The following KDM4C variants were observed in gnomAD, a reference collection of about 807,000 sequenced individuals.
KDM4C encodes the protein lysine-specific demethylase 4C.
Under a neutral mutation model 129.3 loss-of-function variants are expected in KDM4C, and 81 were observed. That is an observed-to-expected ratio of 0.63 (90% CI 0.52 to 0.75). KDM4C has a LOEUF of 0.75. Ranked by LOEUF, KDM4C falls within the 30% of genes least tolerant of loss-of-function variation. KDM4C has a pLI of 0.00. For synonymous variants in KDM4C, 573 were observed against 456.1 expected, an observed-to-expected ratio of 1.26 and a Z score of -3.26; for missense variants, 1,457 against 1,304.0, an observed-to-expected ratio of 1.12 and a Z score of -1.81.
rs1178458762 is a variant in KDM4C at position 6,888,999 on chromosome 9, G to A, written c.783+936G>A. On this transcript the variant is annotated intron_variant, in intron 7 of 21. Coordinates refer to ENST00000381309, the MANE Select transcript of KDM4C (RefSeq NM_015061.6). ...GAGACGGGGTTTCACCGTTTTAGCC[G>A]GGATGGCCTCGATCTCCCGACCTCG... 4.0e-4 allele frequency among the ~76,000 whole-genome samples: 14 copies of A among 35,440 alleles called. 3 individuals are homozygous for A. The highest frequency in any genetic ancestry group is 6.2e-4 in the Non-Finnish European group (11 of 17,702). The allele number at this position is 35,440 out of a possible 152,430, so 23.3% of individuals were successfully genotyped here.
chr9:6,890,298 C>A (rs1348370382), intron 7 of KDM4C, among the ~76,000 whole-genome samples: 3 of 152,162 alleles, frequency 2.0e-5, no homozygotes, highest in Non-Finnish European at 4.4e-5. Context: ...ATAGTGACTA[C>A]TTAATAGGGT....
chr9:7,149,918 G>A (rs1842574134), intron 19 of KDM4C, among the ~76,000 whole-genome samples: 1 of 152,198 alleles, frequency 6.6e-6, no homozygotes, highest in East Asian at 1.9e-4. Context: ...CCTTATTTAA[G>A]TAGTTTTTAT....
At chr9:7,052,316 G>A (rs1830258521) in intron 17 of KDM4C, among the ~76,000 whole-genome samples, 1 of 152,116 alleles carries the variant, frequency 6.6e-6, no homozygotes, top group Non-Finnish European at 1.5e-5. Flanking sequence ...TACTAATCAA[G>A]TTTCACCTAA....
At chr9:7,145,034 G>C (rs557204075) in intron 19 of KDM4C, among the ~76,000 whole-genome samples, 1 of 152,254 alleles carries the variant, frequency 6.6e-6, no homozygotes, top group African/African-American at 2.4e-5. Flanking sequence ...GCATCACCTG[G>C]CTGATTGAGT....
At chr9:6,809,151 T>A (rs567154569) in intron 3 of KDM4C, among the ~76,000 whole-genome samples, 1 of 152,362 alleles carries the variant, frequency 6.6e-6, no homozygotes, top group South Asian at 2.1e-4. Flanking sequence ...CCAAAGAAAT[T>A]GAAAATTTTA....
chr9:7,012,584 G>T (rs1275342810), intron 13 of KDM4C, among the ~76,000 whole-genome samples: 3 of 152,114 alleles, frequency 2.0e-5, no homozygotes, highest in African/African-American at 7.2e-5. Context: ...AAAAGACACA[G>T]CCAAGACTCA....
chr9:7,088,471 A>G (rs1401062389), intron 17 of KDM4C, among the ~76,000 whole-genome samples: 1 of 152,204 alleles, frequency 6.6e-6, no homozygotes, highest in African/African-American at 2.4e-5. Flanking sequence ...TTGATTTCAA[A>G]ACTATTTGAC....
chr9:7,073,475 A>G (rs1014249810), intron 17 of KDM4C, among the ~76,000 whole-genome samples: 3 of 152,320 alleles, frequency 2.0e-5, no homozygotes, highest in African/African-American at 7.2e-5. Flanking sequence ...TCTCCCACTA[A>G]GCTATACTCA....
At chr9:6,925,736 T>C in intron 8 of KDM4C, 2 of 620,672 alleles carry the variant, frequency 3.2e-6, no homozygotes, top group Non-Finnish European at 4.0e-6. Context: ...TCAGCTGACA[T>C]GTGAGTTACA....
chr9:7,135,222 G>A (rs1330632368), intron 19 of KDM4C, among the ~76,000 whole-genome samples: 1 of 150,234 alleles, frequency 6.7e-6, no homozygotes, highest in Non-Finnish European at 1.5e-5. Context: ...TTCAGTAGTT[G>A]CCACAAAGAC....
intron 7 of KDM4C, among the ~76,000 whole-genome samples, chr9:6,889,284 T>G (rs1027731313): frequency 6.7e-6 from 1 of 148,396 alleles, no homozygotes; most frequent in African/African-American, 2.5e-5. Flanking sequence ...AAAGTAGAAG[T>G]TTTTCAAGTG....
chr9:7,045,810 A>G (rs1829309369), intron 15 of KDM4C, among the ~76,000 whole-genome samples: 1 of 152,058 alleles, frequency 6.6e-6, no homozygotes, highest in Non-Finnish European at 1.5e-5. Flanking sequence ...CAGATACATG[A>G]TTCTTTCCAG....
At chr9:7,159,588 T>A (rs1390867721) in intron 19 of KDM4C, among the ~76,000 whole-genome samples, 2 of 152,254 alleles carry the variant, frequency 1.3e-5, no homozygotes, top group East Asian at 3.8e-4. Context: ...CCTTCATTTA[T>A]GAAGCTTAGT....
chr9:6,885,620 C>CAA (rs35373004), intron 6 of KDM4C, among the ~76,000 whole-genome samples: 99 of 135,844 alleles, frequency 7.3e-4, no homozygotes, highest in Admixed American at 1.8e-3. Flanking sequence ...TTAAAAAAGA[C>CAA]AAAAAAAAAA....
chr9:6,752,159 C>G (rs1214568353), intron 1 of KDM4C, among the ~76,000 whole-genome samples: 2 of 149,978 alleles, frequency 1.3e-5, no homozygotes, highest in Non-Finnish European at 3.0e-5. Flanking sequence ...CGGTGAAACC[C>G]CGTCTCTACT....
At chr9:6,904,030 AG>A (rs1481867309) in intron 8 of KDM4C, among the ~76,000 whole-genome samples, 5 of 152,180 alleles carry the variant, frequency 3.3e-5, no homozygotes, top group African/African-American at 1.2e-4. Context: ...ACTTGAGATC[AG>A]GAGTTCAGGA....
At chr9:7,013,767 T>C in intron 13 of KDM4C, 21 bp from the exon 14 acceptor site, 1 of 1,610,638 alleles carries the variant, frequency 6.2e-7, no homozygotes, top group Non-Finnish European at 8.5e-7. Context: ...TTCACTCATG[T>C]GGAAACGTTA....
At chr9:6,980,416 T>G (rs1007941742) in intron 8 of KDM4C, among the ~76,000 whole-genome samples, 8 of 152,202 alleles carry the variant, frequency 5.3e-5, no homozygotes, top group African/African-American at 1.9e-4. Flanking sequence ...AGGCTGTTCA[T>G]TTGCTCCTAA....
At chr9:6,891,038 CT>C (rs1846046902) in intron 7 of KDM4C, among the ~76,000 whole-genome samples, 2 of 152,192 alleles carry the variant, frequency 1.3e-5, no homozygotes, top group African/African-American at 4.8e-5. Context: ...AAAAATAATA[CT>C]TTCCCCATCT....
Sources: gnomAD v4.1 joint callset for allele counts (sites outside exome capture counted in the v4.1 genomes callset) on GRCh38, gnomAD v4.1.1 for gene constraint, MANE v1.5 for transcripts, NCBI Gene and HGNC (gene_info 2026-07-23, HGNC 2026-07-21) for gene names.